The following GMPS variants were observed in gnomAD, a reference collection of about 807,000 sequenced individuals.
The protein encoded by GMPS is GMP synthase [glutamine-hydrolyzing].
A neutral mutation model predicts 77.9 loss-of-function variants in GMPS; 15 were observed. The observed-to-expected ratio is 0.19, with a 90% CI of 0.13 to 0.30. The LOEUF (loss-of-function observed/expected upper bound fraction) is 0.30, where lower values mean the gene tolerates loss of function less well. Ranked by LOEUF, GMPS falls within the 10% of genes least tolerant of loss-of-function variation. GMPS has a pLI of 1.00. For synonymous variants in GMPS, 224 were observed against 275.9 expected, an observed-to-expected ratio of 0.81 and a Z score of 1.86; for missense variants, 590 against 838.8, an observed-to-expected ratio of 0.70 and a Z score of 3.66.
chr3:155,941,544 C>T lies in GMPS; in HGVS notation c.*3852C>T, dbSNP rs974674042. 2.7e-5 allele frequency: 6 copies of T among 219,688 alleles called. No homozygotes were observed. The highest frequency in any genetic ancestry group is 9.0e-5 in the African/African-American group (4 of 44,642). 13.6% of individuals were successfully genotyped at this position (219,688 alleles called of 1,614,324 possible). A position where few individuals can be genotyped will look rare whatever the true frequency, so the allele number is the denominator to read the frequency against. On this transcript the variant is annotated 3_prime_UTR_variant, in exon 16 of 16. Transcript: ENST00000496455. ...TCAGAAATTCTCTGACATCTGCTTG[C>T]GCAATGTTATAACCACTTTCCCACA...
intron 5 of GMPS, 147 bp from the exon 6 acceptor site, chr3:155,910,545 A>G (rs150422395): frequency 0.053 from 22,550 of 428,176 alleles, 1,066 homozygotes; most frequent in East Asian, 0.14. Flanking sequence ...CTCCAGCCTG[A>G]GCGACAGAGC....
intron 5 of GMPS, among the ~76,000 whole-genome samples, chr3:155,908,817 T>C (rs1754960260): frequency 6.6e-6 from 1 of 152,188 alleles, no homozygotes; most frequent in Non-Finnish European, 1.5e-5. Context: ...TAGGCAGTTG[T>C]ATATATGAGC....
intron 1 of GMPS, among the ~76,000 whole-genome samples, chr3:155,881,164 G>GTTTTTTTTTTTT (rs11334499): frequency 1.9e-5 from 1 of 52,940 alleles, no homozygotes; most frequent in African/African-American, 7.3e-5. Context: ...TTTGATATTA[G>GTTTTTTTTTTTT]TTTTTTTTTT....
intron 12 of GMPS, 23 bp downstream of exon 12, chr3:155,925,389 C>A (rs1169333621): frequency 1.3e-6 from 2 of 1,553,680 alleles, no homozygotes; most frequent in Admixed American, 2.0e-5. Flanking sequence ...AATTCATTCA[C>A]CAGTGATATA....
At chr3:155,916,263 T>C (rs1039214149) in intron 9 of GMPS, 71 bp downstream of exon 9, 8 of 939,114 alleles carry the variant, frequency 8.5e-6, no homozygotes, top group Non-Finnish European at 1.3e-5. Flanking sequence ...TCCTCTTCCC[T>C]CTAATATTCA....
chr3:155,919,147 A>C lies in GMPS; in HGVS notation c.1213-86A>C. The C allele has an allele frequency of 4.9e-6, 3 of 618,370 alleles. No homozygotes were observed. In the South Asian group the frequency reaches 6.7e-5, roughly 14 times the overall value. The allele number at this position is 618,370 out of a possible 1,614,324, so 38.3% of individuals were successfully genotyped here. A position where few individuals can be genotyped will look rare whatever the true frequency, so the allele number is the denominator to read the frequency against. ...CTGTTAGTCTAAGAAAAGTGGTAAC[A>C]GGAAAAGCCAATAATTTATTACGCT... is the stretch of plus-strand genomic sequence containing the variant. On this transcript the variant is annotated intron_variant, in intron 9 of 15. Transcript: ENST00000496455.
At chr3:155,915,216 A>G (rs1038639100) in intron 8 of GMPS, among the ~76,000 whole-genome samples, 1 of 150,154 alleles carries the variant, frequency 6.7e-6, no homozygotes, top group African/African-American at 2.4e-5. Flanking sequence ...CTTGAATGGA[A>G]TGTTCACATA....
rs946698191 is a variant in GMPS at position 155,938,595 on chromosome 3, C to G, written c.*903C>G. Reference sequence around the variant, plus strand: ...AGAAACGGTTCTGAGATCACAGAAGCTATGATGCATACCTACAGCTTACAA... The same window carrying G: ...AGAAACGGTTCTGAGATCACAGAAGGTATGATGCATACCTACAGCTTACAA... On this transcript the variant is annotated 3_prime_UTR_variant, in exon 16 of 16. Coordinates refer to ENST00000496455, the MANE Select transcript of GMPS (RefSeq NM_003875.3). 1 of 203,160 alleles carries G rather than the reference C, an allele frequency of 4.9e-6. No homozygotes were observed. Among genetic ancestry groups the G allele is most frequent in the African/African-American group, 2.3e-5 (1 of 43,624 alleles). The allele number at this position is 203,160 out of a possible 1,614,324, so 12.6% of individuals were successfully genotyped here. A position where few individuals can be genotyped will look rare whatever the true frequency, so the allele number is the denominator to read the frequency against.
Position 155,898,044 on chromosome 3 carries a change from A to G in GMPS, c.324+3A>G, listed in dbSNP as rs2108081364. 3 of 1,413,462 alleles carry G rather than the reference A, an allele frequency of 2.1e-6. No individual in the cohort carries two copies. Among genetic ancestry groups the G allele is most frequent in the South Asian group, 1.2e-5 (1 of 86,954 alleles). The allele number at this position is 1,413,462 out of a possible 1,614,324, so 87.6% of individuals were successfully genotyped here. ...TTGGAATTTGCTATGGTATGCAGGT[A>G]TGTCAGCAAATTTGTTTTGAAAGCT... On this transcript the variant is annotated splice_donor_region_variant and intron_variant, in intron 3 of 15. Transcript: ENST00000496455.
chr3:155,941,582 A>G lies in GMPS; in HGVS notation c.*3890A>G, dbSNP rs1192176297. On this transcript the variant is annotated 3_prime_UTR_variant, in exon 16 of 16. Coordinates refer to ENST00000496455, the MANE Select transcript of GMPS (RefSeq NM_003875.3). Reference sequence around the variant, plus strand: ...CCACTTTCCCACACTACTCCCCTCCAGAAATCTCATTGATATGTGGCGAGG... The same window carrying G: ...CCACTTTCCCACACTACTCCCCTCCGGAAATCTCATTGATATGTGGCGAGG... 2 of 221,170 alleles carry G rather than the reference A, an allele frequency of 9.0e-6. No individual in the cohort carries two copies. The highest frequency in any genetic ancestry group is 6.6e-5 in the East Asian group (1 of 15,244). 13.7% of individuals were successfully genotyped at this position (221,170 alleles called of 1,614,324 possible).
chr3:155,903,398 T>C (rs963716901), intron 3 of GMPS, among the ~76,000 whole-genome samples: 3 of 152,218 alleles, frequency 2.0e-5, no homozygotes, highest in Non-Finnish European at 4.4e-5. Context: ...TCGGCAGGCT[T>C]TCAGACTGTT....
chr3:155,920,253 G>C (rs918729070), intron 10 of GMPS, among the ~76,000 whole-genome samples: 1 of 151,998 alleles, frequency 6.6e-6, no homozygotes, highest in South Asian at 2.1e-4. Flanking sequence ...GATCATATTG[G>C]CTCCATAAAC....
At chr3:155,884,515 T>C (rs1259994735) in intron 1 of GMPS, among the ~76,000 whole-genome samples, 1 of 152,184 alleles carries the variant, frequency 6.6e-6, no homozygotes, top group Non-Finnish European at 1.5e-5. Flanking sequence ...AACAAAATAG[T>C]ATTGCCTTAA....
At chr3:155,922,561 A>G (rs1024699651) in intron 11 of GMPS, among the ~76,000 whole-genome samples, 3 of 152,212 alleles carry the variant, frequency 2.0e-5, no homozygotes, top group Non-Finnish European at 4.4e-5. Flanking sequence ...ATTTCAAGAT[A>G]GTAAGGGAAA....
intron 12 of GMPS, among the ~76,000 whole-genome samples, chr3:155,927,301 G>A (rs1436132506): frequency 2.0e-5 from 3 of 152,096 alleles, no homozygotes; most frequent in African/African-American, 7.2e-5. Context: ...AAATAGAATT[G>A]TGGACAGGTT....
At chr3:155,875,755 T>G (rs1157589390) in intron 1 of GMPS, among the ~76,000 whole-genome samples, 2 of 152,220 alleles carry the variant, frequency 1.3e-5, no homozygotes, top group Non-Finnish European at 2.9e-5. Flanking sequence ...TGCTTCTGTA[T>G]TTGCTCAAGA....
chr3:155,901,760 CA>C (rs1754744114), intron 3 of GMPS, among the ~76,000 whole-genome samples: 1 of 151,858 alleles, frequency 6.6e-6, no homozygotes, highest in African/African-American at 2.4e-5. Context: ...GTTTATTTGC[CA>C]TTTGTGTTTA....
intron 15 of GMPS, 102 bp downstream of exon 15, chr3:155,936,612 G>T: frequency 1.3e-5 from 9 of 690,524 alleles, no homozygotes; most frequent in South Asian, 6.4e-5. Context: ...TCTTATGTTG[G>T]TTTTCTGTTC....
Position 155,934,897 on chromosome 3 carries a change from T to A in GMPS, c.1677-19T>A, listed in dbSNP as rs759997126. 2.0e-6 allele frequency: 3 copies of A among 1,505,646 alleles called. No individual in the cohort carries two copies. The highest frequency in any genetic ancestry group is 3.4e-5 in the Admixed American group (2 of 58,842). The allele number at this position is 1,505,646 out of a possible 1,614,324, so 93.3% of individuals were successfully genotyped here. On this transcript the variant is annotated intron_variant, in intron 13 of 15. Transcript: ENST00000496455. ...TTTGAAATGTAATTGCTGTATTATT[T>A]TTACCTCTTTGTTTCCAGAGTTGTT... is the stretch of plus-strand genomic sequence containing the variant.
Sources: gnomAD v4.1 joint callset for allele counts (sites outside exome capture counted in the v4.1 genomes callset) on GRCh38, gnomAD v4.1.1 for gene constraint, MANE v1.5 for transcripts, NCBI Gene and HGNC (gene_info 2026-07-23, HGNC 2026-07-21) for gene names.